Variants in TSHZ2 observed in about 807,000 individuals in gnomAD.
TSHZ2 encodes the protein teashirt homolog 2.
Under a neutral mutation model 74.4 loss-of-function variants are expected in TSHZ2, and 21 were observed. That is an observed-to-expected ratio of 0.28 (90% confidence interval 0.20 to 0.41). The LOEUF is 0.41. Among genes scored for constraint, TSHZ2 ranks in the 10% least tolerant of loss-of-function variants. TSHZ2 has a pLI of 1.00. For synonymous variants in TSHZ2, 540 were observed against 515.3 expected, an observed-to-expected ratio of 1.05 and a Z score of -0.65; for missense variants, 1,244 against 1,293.5, an observed-to-expected ratio of 0.96 and a Z score of 0.59.
chr20:53,415,528 CCT>C (rs1983207658), intron 2 of TSHZ2, among the ~76,000 whole-genome samples: 1 of 151,968 alleles, frequency 6.6e-6, no homozygotes, highest in African/African-American at 2.4e-5. Flanking sequence ...AGGCCTCCCA[CCT>C]AGCACACTCT....
intron 1 of TSHZ2, among the ~76,000 whole-genome samples, chr20:53,009,428 C>A (rs1183014232): frequency 6.6e-6 from 1 of 152,080 alleles, no homozygotes; most frequent in Non-Finnish European, 1.5e-5. Context: ...AAATGATAAA[C>A]CGTGTGTGCA....
rs1985315525 is a variant in TSHZ2 at position 53,074,791 on chromosome 20, T to A, written c.40+101458T>A. 6.6e-6 allele frequency among the ~76,000 whole-genome samples: 1 copy of A among 152,336 alleles called. No homozygotes were observed. The highest frequency in any genetic ancestry group is 1.9e-4 in the East Asian group (1 of 5,180). On this transcript the variant is annotated intron_variant, in intron 1 of 2. Coordinates refer to ENST00000371497, the MANE Select transcript of TSHZ2 (RefSeq NM_173485.6). This position sits in a 1 kb window ranked among gnomAD's most constrained non-coding sequence, Gnocchi z 5.9. ...CTGAAGGAACTAGCATGTGTATTAC[T>A]CGTTTTTCAACAGAGATATGTATTG... is the stretch of plus-strand genomic sequence containing the variant.
chr20:53,340,184 C>CTTTTTTTTTTTTT (rs557613827), intron 2 of TSHZ2, among the ~76,000 whole-genome samples: 97 of 109,862 alleles, frequency 8.8e-4, no homozygotes, highest in Non-Finnish European at 1.2e-3. Context: ...TTTCTTTTTT[C>CTTTTTTTTTTTTT]TTTTTTTTTT....
chr20:53,045,082 A>T (rs147268994), intron 1 of TSHZ2, among the ~76,000 whole-genome samples: 3 of 152,298 alleles, frequency 2.0e-5, no homozygotes, highest in African/African-American at 7.2e-5. Flanking sequence ...AAATCTCAAT[A>T]GCTTAAAACA....
chr20:53,028,220 T>G (rs762027067), intron 1 of TSHZ2, among the ~76,000 whole-genome samples: 11 of 152,156 alleles, frequency 7.2e-5, no homozygotes, highest in Non-Finnish European at 1.2e-4. Flanking sequence ...GATCCACACA[T>G]GAAAGCCACA....
At chr20:53,234,001 G>C (rs186960376) in intron 1 of TSHZ2, among the ~76,000 whole-genome samples, 2 of 152,284 alleles carry the variant, frequency 1.3e-5, no homozygotes, top group Admixed American at 1.3e-4. Flanking sequence ...CCCAGGCCCT[G>C]CATGGTTGTG....
At chr20:52,998,680 C>T (rs146292887) in intron 1 of TSHZ2, among the ~76,000 whole-genome samples, 12 of 152,262 alleles carry the variant, frequency 7.9e-5, no homozygotes, top group Non-Finnish European at 1.0e-4. Flanking sequence ...TTCTGTCTAT[C>T]GCCTCTGCAC....
chr20:53,003,980 T>G (rs1409732094), intron 1 of TSHZ2, among the ~76,000 whole-genome samples: 3 of 152,054 alleles, frequency 2.0e-5, no homozygotes, highest in African/African-American at 7.2e-5. Context: ...GAAGCTTCAG[T>G]GTCTGTGGAA....
chr20:53,050,378 A>G (rs1984417566), intron 1 of TSHZ2, among the ~76,000 whole-genome samples: 1 of 152,096 alleles, frequency 6.6e-6, no homozygotes, highest in South Asian at 2.1e-4. Flanking sequence ...TAGTGTCTTC[A>G]CAAATAAAGC....
chr20:53,295,129 A>G (rs1991351586), intron 2 of TSHZ2, among the ~76,000 whole-genome samples: 1 of 152,200 alleles, frequency 6.6e-6, no homozygotes, highest in South Asian at 2.1e-4. Context: ...TGTTTAACTA[A>G]TGCTTCAACA....
chr20:53,364,925 T>C (rs79803216), intron 2 of TSHZ2, among the ~76,000 whole-genome samples: 5,761 of 152,348 alleles, frequency 0.038, 399 homozygotes, highest in African/African-American at 0.13. Context: ...TGGCCTGGAA[T>C]GGCCCTGGTT....
chr20:53,354,372 T>C (rs926444495), intron 2 of TSHZ2, among the ~76,000 whole-genome samples: 2 of 152,238 alleles, frequency 1.3e-5, no homozygotes, highest in African/African-American at 2.4e-5. Context: ...TTCTTGATAG[T>C]TGCAGAAATT....
At chr20:53,123,424 G>T (rs1986866561) in intron 1 of TSHZ2, among the ~76,000 whole-genome samples, 1 of 152,084 alleles carries the variant, frequency 6.6e-6, no homozygotes, top group Non-Finnish European at 1.5e-5. Flanking sequence ...CATGTTTAGG[G>T]GATTGACTAT....
chr20:53,243,724 C>T (rs925951559), intron 1 of TSHZ2, among the ~76,000 whole-genome samples: 22 of 152,106 alleles, frequency 1.4e-4, no homozygotes. Flanking sequence ...CTAGAGACAG[C>T]AAAGACTTTT....
At chr20:53,364,643 A>G (rs759799434) in intron 2 of TSHZ2, among the ~76,000 whole-genome samples, 1 of 152,220 alleles carries the variant, frequency 6.6e-6, no homozygotes, top group African/African-American at 2.4e-5. Flanking sequence ...TTCTTCCTTG[A>G]AAGCTGCAGA....
intron 2 of TSHZ2, among the ~76,000 whole-genome samples, chr20:53,365,185 G>A (rs58099488): frequency 0.013 from 1,920 of 152,348 alleles, 30 homozygotes; most frequent in African/African-American, 0.043. Flanking sequence ...ATCTGAGAAT[G>A]AAGGAAACTT....
At chr20:53,205,729 C>T (rs1409837648) in intron 1 of TSHZ2, among the ~76,000 whole-genome samples, 1 of 152,140 alleles carries the variant, frequency 6.6e-6, no homozygotes. Flanking sequence ...GGAATGAATA[C>T]TCCTCCTGCT....
At chr20:52,976,954 G>A (rs1981362553) in intron 1 of TSHZ2, among the ~76,000 whole-genome samples, 3 of 152,172 alleles carry the variant, frequency 2.0e-5, no homozygotes. Context: ...GATGAATAAT[G>A]CAGATTTTGT....
intron 1 of TSHZ2, among the ~76,000 whole-genome samples, chr20:53,135,031 C>CACACACACAT: frequency 6.7e-6 from 1 of 149,246 alleles, no homozygotes; most frequent in African/African-American, 2.6e-5. Context: ...CACACACACA[C>CACACACACAT]ACACAAGGGT....
Sources: allele counts gnomAD v4.1 joint callset (sites outside exome capture counted in the v4.1 genomes callset), GRCh38; gene constraint gnomAD v4.1.1; non-coding constraint Gnocchi (gnomAD v3.1); transcripts MANE v1.5; gene names NCBI Gene and HGNC (gene_info 2026-07-23, HGNC 2026-07-21).